Variants in CEP68 observed in about 807,000 individuals in gnomAD.
CEP68 encodes the protein centrosomal protein 68.
In CEP68, 26 loss-of-function variants were observed where a neutral mutation model predicts 55.3. That is an observed-to-expected ratio of 0.47 (90% confidence interval 0.34 to 0.65). The LOEUF (loss-of-function observed/expected upper bound fraction) is 0.65. Ranked by LOEUF, CEP68 falls within the 30% of genes least tolerant of loss-of-function variation. The pLI is 0.01. For synonymous variants in CEP68, 402 were observed against 383.2 expected, an observed-to-expected ratio of 1.05 and a Z score of -0.57; for missense variants, 957 against 946.7, an observed-to-expected ratio of 1.01 and a Z score of -0.14.
intron 2 of CEP68, chr2:65,071,077 G>T (rs1002921817): frequency 5.1e-5 from 12 of 235,266 alleles, no homozygotes; most frequent in African/African-American, 2.5e-4. Context: ...GGGTTTGGAC[G>T]TGTCCTGTTA....
chr2:65,061,475 G>A (rs1473482533), intron 1 of CEP68, among the ~76,000 whole-genome samples: 1 of 152,248 alleles, frequency 6.6e-6, no homozygotes, highest in Non-Finnish European at 1.5e-5. Context: ...AAGGATCCTG[G>A]GGATGGCCTC....
At chr2:65,081,311 C>G (rs1000710044) in intron 5 of CEP68, among the ~76,000 whole-genome samples, 2 of 152,118 alleles carry the variant, frequency 1.3e-5, no homozygotes, top group Non-Finnish European at 2.9e-5. Context: ...CCACACTCTG[C>G]CAACTCTCTT....
intron 3 of CEP68, chr2:65,073,276 C>T: frequency 4.5e-6 from 2 of 442,378 alleles, no homozygotes; most frequent in Non-Finnish European, 8.4e-6. Flanking sequence ...GAGCTCTTAG[C>T]CACTACCCTT....
chr2:65,075,714 T>C (rs1676728248), intron 4 of CEP68, among the ~76,000 whole-genome samples: 2 of 152,176 alleles, frequency 1.3e-5, no homozygotes, highest in East Asian at 3.9e-4. Context: ...GGCTGCACCT[T>C]TCTAATCTCT....
At chr2:65,074,153 A>T in intron 3 of CEP68, 129 bp from the exon 4 acceptor site, 2 of 1,085,540 alleles carry the variant, frequency 1.8e-6, no homozygotes, top group Non-Finnish European at 1.3e-6. Flanking sequence ...GGGACAGGTG[A>T]GCAAGGAGGA....
At chr2:65,076,159 T>A (rs1447372583) in intron 4 of CEP68, among the ~76,000 whole-genome samples, 1 of 152,022 alleles carries the variant, frequency 6.6e-6, no homozygotes, top group Non-Finnish European at 1.5e-5. Flanking sequence ...AAAGGCTGAC[T>A]CCAAGGGTCC....
chr2:65,073,228 G>T, intron 3 of CEP68: 1 of 541,660 alleles, frequency 1.8e-6, no homozygotes. Flanking sequence ...AAGGGCTTGA[G>T]CCAAGAATGA....
intron 5 of CEP68, among the ~76,000 whole-genome samples, chr2:65,082,133 A>G (rs1348197021): frequency 6.6e-6 from 1 of 152,240 alleles, no homozygotes; most frequent in Non-Finnish European, 1.5e-5. Context: ...ACCTGGTAGC[A>G]GGGGTAAGCA....
intron 2 of CEP68, chr2:65,071,170 G>T: frequency 2.2e-6 from 1 of 458,364 alleles, no homozygotes; most frequent in Non-Finnish European, 4.0e-6. Context: ...GCATGACAGA[G>T]CTGTCTGAGT....
At chr2:65,079,758 G>A (rs938697195) in intron 5 of CEP68, among the ~76,000 whole-genome samples, 2 of 152,228 alleles carry the variant, frequency 1.3e-5, no homozygotes, top group African/African-American at 4.8e-5. Flanking sequence ...AGAGCCCCTG[G>A]GCACTGGCTT....
Position 65,059,670 on chromosome 2 carries a change from ATT to A in CEP68, c.-47+3145_-47+3146del, listed in dbSNP as rs1333255261. Among the ~76,000 whole-genome samples the A allele has an allele frequency of 2.0e-5, 3 of 152,318 alleles. No homozygotes were observed. In the East Asian group the frequency reaches 5.8e-4, roughly 29 times the overall value. ...GCACCCAAGGAATGGTTGTAAAGCT[ATT>A]TTAGTTGTTCCTTCTCAGGGTGCTG... On this transcript the variant is annotated intron_variant, in intron 1 of 6. Coordinates refer to ENST00000377990, the MANE Select transcript of CEP68 (RefSeq NM_015147.3).
In CEP68 at chr2:65,072,205, C is replaced by T; in HGVS notation, c.1109C>T (p.Pro370Leu). ...GCCACTGCCCTGCCATTTTCTGGGC[C>T]CAGAGAGCCAAGCCTTAAGCAGTGG... ...AEATALPFSG[P>L]REPSLKQWPS... Residue 370 changes from proline (P) to leucine (L), a missense_variant, in exon 3 of 7, where the codon CCC (proline) becomes CTC (leucine). Transcript: ENST00000377990. The T allele has an allele frequency of 6.2e-7, 1 of 1,614,092 alleles. No homozygotes were observed.
intron 1 of CEP68, among the ~76,000 whole-genome samples, chr2:65,062,168 G>T (rs892101607): frequency 6.6e-6 from 1 of 152,130 alleles, no homozygotes. Flanking sequence ...GGTAAGAGAC[G>T]AGCCCTTGCC....
intron 5 of CEP68, among the ~76,000 whole-genome samples, chr2:65,081,399 C>A (rs955391952): frequency 2.7e-5 from 4 of 149,640 alleles, no homozygotes; most frequent in Admixed American, 6.8e-5. Context: ...AGCCTGTGTT[C>A]CTTCTCCTTC....
intron 1 of CEP68, among the ~76,000 whole-genome samples, chr2:65,064,467 G>A (rs1052636144): frequency 6.6e-6 from 1 of 152,110 alleles, no homozygotes; most frequent in African/African-American, 2.4e-5. Flanking sequence ...GGGCGTGGTG[G>A]CTCACACCTG....
intron 3 of CEP68, 48 bp downstream of exon 3, chr2:65,073,028 C>A (rs1292054825): frequency 6.3e-7 from 1 of 1,591,990 alleles, no homozygotes; most frequent in Non-Finnish European, 8.6e-7. Flanking sequence ...TGTCTTGTCT[C>A]TTCCCCCAAT....
chr2:65,083,359 A>AG (rs1460777220), intron 6 of CEP68, among the ~76,000 whole-genome samples: 5 of 152,252 alleles, frequency 3.3e-5, no homozygotes, highest in Non-Finnish European at 7.3e-5. Context: ...AGGAGAGCAA[A>AG]GGTGGGTGTG....
In CEP68 at chr2:65,082,581, T is replaced by C; in HGVS notation, c.2150T>C (p.Leu717Pro). The stretch of plus-strand genomic sequence containing the variant: ...AGGATCGCAAAGCAGTCTGGTGAGC[T>C]GGAGAGCCACGCAGATCGCCTGTAT... The part of the protein sequence containing the change: ...LGRIAKQSGE[L>P]ESHADRLYDS... Residue 717 changes from leucine to proline, a missense_variant, in exon 6 of 7, where the codon CTG becomes CCG. Transcript: ENST00000377990. 6.2e-7 allele frequency: 1 copy of C among 1,606,706 alleles called. No homozygotes were observed. Among genetic ancestry groups the C allele is most frequent in the Non-Finnish European group, 8.5e-7 (1 of 1,177,548 alleles).
At chr2:65,077,715 C>T (rs767398911) in intron 4 of CEP68, among the ~76,000 whole-genome samples, 153 bp from the exon 5 acceptor site, 2 of 152,150 alleles carry the variant, frequency 1.3e-5, no homozygotes, top group Non-Finnish European at 2.9e-5. Flanking sequence ...TAAACTGTTG[C>T]ACTGTTTACT....
Sources: allele counts gnomAD v4.1 joint callset (sites outside exome capture counted in the v4.1 genomes callset), GRCh38; gene constraint gnomAD v4.1.1; transcripts MANE v1.5; gene names NCBI Gene and HGNC (gene_info 2026-07-23, HGNC 2026-07-21).